Variants in ITGAD observed in about 807,000 individuals in gnomAD.
The protein encoded by ITGAD is integrin alpha-D.
A neutral mutation model predicts 139.0 loss-of-function variants in ITGAD; 105 were observed. The ratio of observed to expected loss-of-function variants is 0.76; its 90% CI spans 0.65 to 0.89. The LOEUF is 0.89. ITGAD is among the 40% of genes least tolerant of loss of function. ITGAD has a pLI of 0.00. For missense variants in ITGAD, 1,384 were observed against 1,487.3 expected, an observed-to-expected ratio of 0.93 and a Z score of 1.14; for synonymous variants, 569 against 598.3, an observed-to-expected ratio of 0.95 and a Z score of 0.71.
intron 7 of ITGAD, chr16:31,404,621 A>G (rs1357946008): frequency 1.3e-5 from 2 of 152,456 alleles, no homozygotes; most frequent in African/African-American, 4.8e-5. Context: ...GCCTGGGGAA[A>G]AAAATGAATG....
At chr16:31,394,145 A>G (rs1053812942) in intron 1 of ITGAD, 91 bp from the exon 2 acceptor site, 66 of 755,392 alleles carry the variant, frequency 8.7e-5, no homozygotes, top group South Asian at 8.9e-5. Context: ...AAAAAAAAAA[A>G]AAAAAGAAAA....
chr16:31,412,709 G>A lies in ITGAD; in HGVS notation c.1708-129G>A, dbSNP rs1338253934. On this transcript the variant is annotated intron_variant, in intron 14 of 29. Coordinates refer to ENST00000389202, the MANE Select transcript of ITGAD (RefSeq NM_005353.3). ...ACCTCCTCTTTTCAGGCTCTTGTTG[G>A]TGACATCTGTTCACAGCTCACCCCT... 18 of 1,132,564 alleles carry A rather than the reference G, an allele frequency of 1.6e-5. No homozygotes were observed. In the East Asian group the frequency reaches 3.8e-4, roughly 24 times the overall value. The allele number at this position is 1,132,564 out of a possible 1,614,324, so 70.2% of individuals were successfully genotyped here.
At position 31,397,062 on chromosome 16, in the gene ITGAD, G is replaced by GTT. The variant is rs539015704; in HGVS notation, c.138-269_138-268dup. Among the ~76,000 whole-genome samples the GTT allele has an allele frequency of 1.7e-3, 173 of 100,778 alleles. 7 individuals are homozygous for GTT. Among genetic ancestry groups the GTT allele is most frequent in the East Asian group, 0.011 (20 of 1,784 alleles). The allele number at this position is 100,778 out of a possible 152,430, so 66.1% of individuals were successfully genotyped here. A position where few individuals can be genotyped will look rare whatever the true frequency, so the allele number is the denominator to read the frequency against. Reference sequence around the variant, plus strand: ...AAATGCCATTTTGGTCTTTAAATAGGTTTTTTTTTTTTTTTTTTTTTTTTT... The same window carrying GTT: ...AAATGCCATTTTGGTCTTTAAATAGGTTTTTTTTTTTTTTTTTTTTTTTTTTT... On this transcript the variant is annotated intron_variant, in intron 2 of 29. Coordinates refer to ENST00000389202, the MANE Select transcript of ITGAD (RefSeq NM_005353.3).
At chr16:31,393,421 C>A in intron 1 of ITGAD, 30 bp downstream of exon 1, 1 of 1,613,364 alleles carries the variant, frequency 6.2e-7, no homozygotes, top group Non-Finnish European at 8.5e-7. Context: ...TGGGGAGAAG[C>A]TTGGAGGAGT....
intron 7 of ITGAD, among the ~76,000 whole-genome samples, chr16:31,405,062 G>A (rs1447689607): frequency 6.6e-6 from 1 of 151,828 alleles, no homozygotes. Flanking sequence ...CACCATGCCC[G>A]GCTGATTTTT....
intron 10 of ITGAD, 56 bp from the exon 11 acceptor site, chr16:31,410,339 G>A (rs1437195918): frequency 5.0e-5 from 81 of 1,611,270 alleles, no homozygotes; most frequent in Non-Finnish European, 6.9e-5. Context: ...GTGTCTCTGG[G>A]ATATGCTGTC....
Position 31,402,258 on chromosome 16 carries a change from C to CACCT in ITGAD, c.558+14_558+17dup. On this transcript the variant is annotated intron_variant, in intron 6 of 29. Transcript: ENST00000389202. ...CACTGACACCCTGGTGAAGACTGGG[C>CACCT]ACCTGGGGCTGGGGTTTGGGGGACG... 1 of 1,448,364 alleles carries CACCT rather than the reference C, an allele frequency of 6.9e-7. No homozygotes were observed. Among genetic ancestry groups the CACCT allele is most frequent in the Non-Finnish European group, 9.6e-7 (1 of 1,045,078 alleles). The allele number at this position is 1,448,364 out of a possible 1,614,324, so 89.7% of individuals were successfully genotyped here.
chr16:31,408,502 G>T lies in ITGAD; in HGVS notation c.1083+4G>T. ...CTTCAGCACAGCCCTCACAATGGTG[G>T]GTAGAGCCTGCCCTCAATCCATAGC... On this transcript the variant is annotated splice_donor_region_variant and intron_variant, in intron 10 of 29. Coordinates refer to ENST00000389202, the MANE Select transcript of ITGAD (RefSeq NM_005353.3). 6.2e-7 allele frequency: 1 copy of T among 1,613,164 alleles called. No individual in the cohort carries two copies. The highest frequency in any genetic ancestry group is 8.5e-7 in the Non-Finnish European group (1 of 1,179,252).
At position 31,410,417 on chromosome 16, in the gene ITGAD, T is replaced by TG; in HGVS notation, c.1110dup (p.Ser371GlufsTer3). 1 of 1,613,418 alleles carries TG rather than the reference T, an allele frequency of 6.2e-7. No individual in the cohort carries two copies. Among genetic ancestry groups the TG allele is most frequent in the Non-Finnish European group, 8.5e-7 (1 of 1,179,636 alleles). The stretch of plus-strand genomic sequence containing the variant: ...CAGGATGGCCTCTTCCTGGGGGCTG[T>TG]GGGGAGCTTTAGCTGGTCTGGAGGT... On this transcript the variant is annotated frameshift_variant, in exon 11 of 30. Coordinates refer to ENST00000389202, the MANE Select transcript of ITGAD (RefSeq NM_005353.3). LOFTEE classifies it high-confidence loss of function.
In ITGAD at chr16:31,411,484, C is replaced by T. The variant is rs182095062; in HGVS notation, c.1674C>T (p.Ala558=). ...NRGAVYLFHG[A]SESGISPSHS... The stretch of plus-strand genomic sequence containing the variant: ...GTGCTGTCTACCTGTTTCACGGAGC[C>T]TCAGAATCCGGCATCAGCCCCTCCC... The change falls in exon 14 of 30, where the codon GCC becomes GCT. Residue 558 remains alanine, a synonymous_variant. Transcript: ENST00000389202. 1.9e-6 allele frequency: 3 copies of T among 1,614,104 alleles called. No individual in the cohort carries two copies. Among genetic ancestry groups the T allele is most frequent in the South Asian group, 2.2e-5 (2 of 91,080 alleles).
chr16:31,394,490 A>C, intron 2 of ITGAD, 149 bp downstream of exon 2: 1 of 574,598 alleles, frequency 1.7e-6, no homozygotes, highest in South Asian at 2.0e-5. Flanking sequence ...TGACATCAGC[A>C]CCTATTATTC....
Position 31,424,463 on chromosome 16 carries a change from T to A in ITGAD, c.3262-4T>A. On this transcript the variant is annotated splice_polypyrimidine_tract_variant and splice_region_variant and intron_variant, in intron 28 of 29. Coordinates refer to ENST00000389202, the MANE Select transcript of ITGAD (RefSeq NM_005353.3). The stretch of plus-strand genomic sequence containing the variant: ...GGCCGGATGCTCTCTGATCTCTAAA[T>A]CAGATGGAGATGGTGCTAGAAGAAG... 1 of 1,610,950 alleles carries A rather than the reference T, an allele frequency of 6.2e-7. No homozygotes were observed. The highest frequency in any genetic ancestry group is 8.5e-7 in the Non-Finnish European group (1 of 1,177,584).
intron 7 of ITGAD, among the ~76,000 whole-genome samples, chr16:31,405,124 T>A (rs80289467): frequency 6.6e-6 from 1 of 152,110 alleles, no homozygotes; most frequent in Admixed American, 6.6e-5. Flanking sequence ...TAGCTGGGAC[T>A]ACAGGCCCGC....
At chr16:31,393,845 G>A (rs1423412618) in intron 1 of ITGAD, among the ~76,000 whole-genome samples, 1 of 152,066 alleles carries the variant, frequency 6.6e-6, no homozygotes, top group African/African-American at 2.4e-5. Context: ...CAAAAATCAG[G>A]CTTGGCTGGG....
rs1034905228 is a variant in ITGAD, at chr16:31,400,764, G to A, written c.428-1351G>A. ...GGATTACAGGCACCGCCACCATGCC[G>A]GGCTAATTTTTTTGTATTTTTAGTA... On this transcript the variant is annotated intron_variant, in intron 5 of 29. Coordinates refer to ENST00000389202, the MANE Select transcript of ITGAD (RefSeq NM_005353.3). 4.6e-5 allele frequency among the ~76,000 whole-genome samples: 7 copies of A among 151,986 alleles called. No individual in the cohort carries two copies. In the South Asian group the frequency reaches 6.2e-4, roughly 14 times the overall value.
At chr16:31,416,096 A>G in intron 18 of ITGAD, 117 bp from the exon 19 acceptor site, 3 of 743,934 alleles carry the variant, frequency 4.0e-6, no homozygotes, top group East Asian at 2.8e-5. Context: ...GTTGGTGTCC[A>G]GCAAAGTGCT....
chr16:31,402,001 G>T, intron 5 of ITGAD, 114 bp from the exon 6 acceptor site: 1 of 1,269,214 alleles, frequency 7.9e-7, no homozygotes, highest in Admixed American at 1.9e-5. Context: ...CCAAGGAGGG[G>T]TCGGAAACTA....
intron 29 of ITGAD, 92 bp downstream of exon 29, chr16:31,424,669 C>T: frequency 1.3e-6 from 1 of 770,562 alleles, no homozygotes; most frequent in Non-Finnish European, 2.0e-6. Flanking sequence ...ATGATCTTGG[C>T]TCACTGCAAC....
In ITGAD at chr16:31,418,311, T is replaced by A; in HGVS notation, c.2627T>A (p.Ile876Lys). The change falls in exon 22 of 30, where the codon ATA becomes AAA. Residue 876 changes from isoleucine to lysine, a missense_variant. Ile to Lys is a moderately radical substitution (Grantham distance 102). Transcript: ENST00000389202. ...IFHEGSNGTF[I>K]VTFDVSYKAT... ...TTCTTCTTCCCTCAGGGCACCTTCATAGTCACATTCGATGTCTCCTACAAG... is the reference window on the plus strand; with the variant it reads ...TTCTTCTTCCCTCAGGGCACCTTCAAAGTCACATTCGATGTCTCCTACAAG... 2 of 1,614,006 alleles carry A rather than the reference T, an allele frequency of 1.2e-6. No homozygotes were observed. Among genetic ancestry groups the A allele is most frequent in the South Asian group, 1.1e-5 (1 of 91,070 alleles).
Sources: gnomAD v4.1 joint callset for allele counts (sites outside exome capture counted in the v4.1 genomes callset) on GRCh38, gnomAD v4.1.1 for gene constraint, MANE v1.5 for transcripts, NCBI Gene and HGNC (gene_info 2026-07-23, HGNC 2026-07-21) for gene names.